Variants in JAKMIP3 observed in about 807,000 individuals in gnomAD.
The protein encoded by JAKMIP3 is Janus kinase and microtubule interacting protein 3.
Under a neutral mutation model 118.5 loss-of-function variants are expected in JAKMIP3, and 58 were observed. The ratio of observed to expected loss-of-function variants is 0.49; its 90% CI spans 0.40 to 0.61. The LOEUF is 0.61. Ranked by LOEUF, JAKMIP3 falls within the 20% of genes least tolerant of loss-of-function variation. The pLI is 0.00. For synonymous variants in JAKMIP3, 486 were observed against 451.2 expected (o/e 1.08, Z -0.98); for missense variants, 950 against 1,109.0 (o/e 0.86, Z 2.04).
intron 1 of JAKMIP3, among the ~76,000 whole-genome samples, chr10:132,102,663 C>T (rs1038775714): frequency 1.4e-4 from 21 of 152,188 alleles, no homozygotes; most frequent in African/African-American, 5.1e-4. Flanking sequence ...CCTCCTTTCA[C>T]CCTCCCTCTG....
chr10:132,117,594 CGGGCGTGGGCG>C lies in JAKMIP3; in HGVS notation c.633+21_633+31del, dbSNP rs2047887558. ...AGGCTGGTACGTGGGCAGGCAGGGG[CGGGCGTGGGCG>C]AGGGTGCAGGGGCGGGCGTGGGCGA... On this transcript the variant is annotated intron_variant, in intron 3 of 23. Transcript: ENST00000684848. The surrounding 1 kb of genome is among the most constrained non-coding windows in gnomAD (Gnocchi z 8.6). 2.3e-5 allele frequency: 18 copies of C among 782,930 alleles called. No individual in the cohort carries two copies. Among genetic ancestry groups the C allele is most frequent in the East Asian group, 9.0e-5 (1 of 11,150 alleles). The allele number at this position is 782,930 out of a possible 1,614,324, so 48.5% of individuals were successfully genotyped here.
At chr10:132,170,777 C>T (rs1297117154) in intron 23 of JAKMIP3, among the ~76,000 whole-genome samples, 1 of 152,172 alleles carries the variant, frequency 6.6e-6, no homozygotes. Flanking sequence ...GGCGCCGCTC[C>T]GCTCGGGGGC....
chr10:132,047,030 G>GCCA (rs1195200617), intron 1 of JAKMIP3, among the ~76,000 whole-genome samples: 16 of 152,108 alleles, frequency 1.1e-4, no homozygotes, highest in African/African-American at 3.6e-4. Context: ...GACTGCAGGT[G>GCCA]CCACCACACC....
chr10:132,043,929 C>T (rs1564848736), intron 1 of JAKMIP3, among the ~76,000 whole-genome samples: 1 of 152,240 alleles, frequency 6.6e-6, no homozygotes, highest in Non-Finnish European at 1.5e-5. Flanking sequence ...GCTTTTTGAG[C>T]AATGAGATTC....
At chr10:132,154,892 A>G (rs1232412172) in intron 19 of JAKMIP3, among the ~76,000 whole-genome samples, 1 of 88,234 alleles carries the variant, frequency 1.1e-5, no homozygotes, top group Non-Finnish European at 2.5e-5. Flanking sequence ...GATGATGGTG[A>G]TGATCGTGAT....
Position 132,116,990 on chromosome 10 carries a change from G to A in JAKMIP3, c.136-87G>A, listed in dbSNP as rs567311753. 1.3e-5 allele frequency: 19 copies of A among 1,460,186 alleles called. No individual in the cohort carries two copies. The East Asian group carries it at 2.1e-4, about 16-fold the overall frequency. 90.5% of individuals were successfully genotyped at this position (1,460,186 alleles called of 1,614,324 possible). On this transcript the variant is annotated intron_variant, in intron 2 of 23. Transcript: ENST00000684848. ...ACATTCAGGTGTGAGTGTGTGCAAC[G>A]TGGAAGCTCCCCCAAATGCACATTC...
chr10:132,047,548 G>C (rs2037953131), intron 1 of JAKMIP3, among the ~76,000 whole-genome samples: 1 of 152,176 alleles, frequency 6.6e-6, no homozygotes, highest in African/African-American at 2.4e-5. Flanking sequence ...CACTAACATT[G>C]GTACAACATC....
intron 5 of JAKMIP3, among the ~76,000 whole-genome samples, chr10:132,135,393 G>A (rs967074358): frequency 2.0e-5 from 3 of 152,186 alleles, no homozygotes; most frequent in African/African-American, 4.8e-5. Flanking sequence ...GTTAGTGGGG[G>A]CAGAAGCCGC....
At chr10:132,173,236 C>G (rs76744748) in intron 23 of JAKMIP3, among the ~76,000 whole-genome samples, 3 of 111,514 alleles carry the variant, frequency 2.7e-5, no homozygotes, top group East Asian at 5.4e-4. Context: ...ATCTACCTAC[C>G]TATCTATTGC....
chr10:132,116,776 G>A (rs1326841455), intron 2 of JAKMIP3, among the ~76,000 whole-genome samples: 3 of 108,550 alleles, frequency 2.8e-5, no homozygotes, highest in African/African-American at 7.7e-5. Flanking sequence ...CGCTCCCCCC[G>A]AATACACATT....
chr10:132,149,459 C>T lies in JAKMIP3; in HGVS notation c.1896C>T (p.Phe632=), dbSNP rs143153948. The T allele has an allele frequency of 5.9e-5, 94 of 1,606,336 alleles. No homozygotes were observed. Among genetic ancestry groups the T allele is most frequent in the African/African-American group, 4.8e-4 (36 of 74,426 alleles). The change falls in exon 15 of 24, where the codon TTC becomes TTT. Residue 632 remains phenylalanine (F), a synonymous_variant. Coordinates refer to ENST00000684848, the MANE Select transcript of JAKMIP3 (RefSeq NM_001323087.2). The stretch of plus-strand genomic sequence containing the variant: ...CCATCAGCTTCCACCACACGCCCTT[C>T]GTGGACGGGAAGAGCCCCCTCCAGG... The part of the protein sequence containing the change: ...SPAISFHHTP[F]VDGKSPLQVY...
chr10:132,156,676 A>G (rs890714627), intron 19 of JAKMIP3, among the ~76,000 whole-genome samples: 1 of 152,078 alleles, frequency 6.6e-6, no homozygotes, highest in African/African-American at 2.4e-5. Context: ...CTGCCTTTCT[A>G]TGGGGCAAGC....
At chr10:132,067,592 ACTTCCGTGTGGACTGTGGG>A (rs1413623904) in intron 1 of JAKMIP3, among the ~76,000 whole-genome samples, 3 of 151,116 alleles carry the variant, frequency 2.0e-5, no homozygotes, top group Non-Finnish European at 4.4e-5. Flanking sequence ...TTGACTGTGG[ACTTCCGTGTGGACTGTGGG>A]CTTCCGTGTG....
chr10:132,159,110 GT>G (rs2057462470), intron 19 of JAKMIP3, among the ~76,000 whole-genome samples: 2 of 140,604 alleles, frequency 1.4e-5, no homozygotes, highest in Non-Finnish European at 3.1e-5. Flanking sequence ...TTCTGGGGGC[GT>G]CTCTCCCCGT....
At chr10:132,089,069 C>T (rs983518368) in intron 1 of JAKMIP3, among the ~76,000 whole-genome samples, 1 of 152,076 alleles carries the variant, frequency 6.6e-6, no homozygotes, top group African/African-American at 2.4e-5. Context: ...TGGTCTATAT[C>T]TCTGTTTTGG....
rs2053604569 is a variant in JAKMIP3 at position 132,142,032 on chromosome 10, C to T, written c.1586C>T (p.Ala529Val). The change falls in exon 11 of 24, where the codon GCA (alanine) becomes GTA (valine). Residue 529 changes from alanine (A) to valine (V), a missense_variant. By Grantham distance (64) the Ala-to-Val change is moderately conservative (BLOSUM62 0). Coordinates refer to ENST00000684848, the MANE Select transcript of JAKMIP3 (RefSeq NM_001323087.2). The stretch of plus-strand genomic sequence containing the variant: ...GAGCAGGTTGGAGGGACGCTGGACG[C>T]AGAGCGAGAAGTTAAGGTCTACGTG... ...LQEQVGGTLD[A>V]EREVKTREQL... 6.2e-7 allele frequency: 1 copy of T among 1,607,514 alleles called. No individual in the cohort carries two copies. The highest frequency in any genetic ancestry group is 1.3e-5 in the African/African-American group (1 of 74,516).
At chr10:132,170,710 C>T (rs777887057) in intron 23 of JAKMIP3, among the ~76,000 whole-genome samples, 2 of 152,172 alleles carry the variant, frequency 1.3e-5, no homozygotes, top group African/African-American at 2.4e-5. Flanking sequence ...GGCAGCCGGC[C>T]GCCAACGTGC....
intron 1 of JAKMIP3, among the ~76,000 whole-genome samples, chr10:132,087,789 T>C (rs914646238): frequency 1.3e-5 from 2 of 151,918 alleles, no homozygotes; most frequent in Admixed American, 1.3e-4. Context: ...ACATGCACCA[T>C]GTTGGTGTGC....
intron 2 of JAKMIP3, among the ~76,000 whole-genome samples, chr10:132,111,551 G>A (rs974429633): frequency 3.9e-5 from 6 of 152,082 alleles, no homozygotes; most frequent in African/African-American, 1.4e-4. Flanking sequence ...GTGTGGGGCA[G>A]GAGGGGGCCT....
Sources: allele counts gnomAD v4.1 joint callset (sites outside exome capture counted in the v4.1 genomes callset), GRCh38; gene constraint gnomAD v4.1.1; non-coding constraint Gnocchi (gnomAD v3.1); transcripts MANE v1.5; gene names NCBI Gene and HGNC (gene_info 2026-07-23, HGNC 2026-07-21).